GABRG3: variants seen among roughly 807,000 people sequenced by gnomAD.
GABRG3 encodes gamma-aminobutyric acid type A receptor subunit gamma3.
A neutral mutation model predicts 48.8 loss-of-function variants in GABRG3; 25 were observed. That is an observed-to-expected ratio of 0.51 (90% CI 0.37 to 0.72). GABRG3 has a LOEUF of 0.72. GABRG3 is among the 30% of genes least tolerant of loss of function. The pLI is 0.00. For missense variants in GABRG3, 394 were observed against 577.9 expected, an observed-to-expected ratio of 0.68 and a Z score of 3.26; for synonymous variants, 227 against 217.6, an observed-to-expected ratio of 1.04 and a Z score of -0.38.
At chr15:27,449,871 ACT>A (rs1284492934) in intron 5 of GABRG3, among the ~76,000 whole-genome samples, 18 of 152,316 alleles carry the variant, frequency 1.2e-4, no homozygotes, top group African/African-American at 4.3e-4. Context: ...TGCTTGCTGC[ACT>A]CTCTCAGTAG....
At chr15:27,258,910 A>G (rs1385427360) in intron 3 of GABRG3, among the ~76,000 whole-genome samples, 1 of 151,578 alleles carries the variant, frequency 6.6e-6, no homozygotes. Flanking sequence ...CTCCTCCAAC[A>G]CGCCTTCCCA....
At chr15:27,067,788 A>G (rs1229715653) in intron 3 of GABRG3, among the ~76,000 whole-genome samples, 10 of 152,162 alleles carry the variant, frequency 6.6e-5, no homozygotes, top group Non-Finnish European at 1.5e-4. Flanking sequence ...ACACCCAGCT[A>G]TCCTGTACTA....
At chr15:27,029,940 C>T (rs936662871) in intron 3 of GABRG3, among the ~76,000 whole-genome samples, 2 of 152,066 alleles carry the variant, frequency 1.3e-5, no homozygotes, top group Admixed American at 6.6e-5. Flanking sequence ...CACATAGACC[C>T]GCTATATCTG....
At position 26,996,796 on chromosome 15, in the gene GABRG3, C is replaced by G. The variant is rs558150459; in HGVS notation, c.202+19646C>G. Among the ~76,000 whole-genome samples, 49 of 152,040 alleles carry G rather than the reference C, an allele frequency of 3.2e-4. 1 individual carries two copies. The South Asian group carries it at 1.0e-2, about 31-fold the overall frequency. ...TCCCGAGTAGCTGGGACTACAGGCC[C>G]CTGCCACCACGCCCAGCTAATGTTT... On this transcript the variant is annotated intron_variant, in intron 2 of 9. Transcript: ENST00000615808.
chr15:27,524,143 C>T (rs1314231097), intron 7 of GABRG3, among the ~76,000 whole-genome samples: 4 of 152,020 alleles, frequency 2.6e-5, no homozygotes, highest in South Asian at 2.1e-4. Context: ...AAAGAAATGT[C>T]ACCTTGCCTA....
chr15:27,097,235 G>A (rs917351111), intron 3 of GABRG3, among the ~76,000 whole-genome samples: 1 of 151,972 alleles, frequency 6.6e-6, no homozygotes, highest in Admixed American at 6.6e-5. Flanking sequence ...CCCGCTGCTG[G>A]GCATGTAAGA....
At chr15:27,358,250 A>G (rs1326085112) in intron 5 of GABRG3, among the ~76,000 whole-genome samples, 1 of 152,198 alleles carries the variant, frequency 6.6e-6, no homozygotes, top group Non-Finnish European at 1.5e-5. Flanking sequence ...GAAAATAACC[A>G]TAGTTTGTTG....
chr15:27,102,675 A>G (rs1323893857), intron 3 of GABRG3, among the ~76,000 whole-genome samples: 3 of 152,218 alleles, frequency 2.0e-5, no homozygotes, highest in Non-Finnish European at 4.4e-5. Context: ...CTTCAGGAAT[A>G]CGATGCTATG....
intron 3 of GABRG3, among the ~76,000 whole-genome samples, chr15:27,272,401 C>T (rs1406597739): frequency 6.6e-6 from 1 of 152,124 alleles, no homozygotes; most frequent in South Asian, 2.1e-4. Context: ...ACAGTTTGGG[C>T]TCTGTGAGAT....
intron 3 of GABRG3, among the ~76,000 whole-genome samples, chr15:27,198,482 A>T (rs1053149908): frequency 6.6e-6 from 1 of 152,230 alleles, no homozygotes; most frequent in Non-Finnish European, 1.5e-5. Context: ...TGATCATTAA[A>T]ATGTCAGGAA....
chr15:27,526,277 T>C (rs1571281), intron 7 of GABRG3, among the ~76,000 whole-genome samples: 95,376 of 152,104 alleles, frequency 0.63, 31,073 homozygotes, highest in African/African-American at 0.81. Flanking sequence ...CTGCCTTGAG[T>C]AGATGCAGGG....
intron 3 of GABRG3, among the ~76,000 whole-genome samples, chr15:27,159,717 C>A (rs2140402836): frequency 6.6e-6 from 1 of 152,224 alleles, no homozygotes; most frequent in East Asian, 1.9e-4. Flanking sequence ...CAATCATGAA[C>A]CAAGATTTGG....
At chr15:27,408,872 AT>A (rs1395627404) in intron 5 of GABRG3, among the ~76,000 whole-genome samples, 1 of 152,126 alleles carries the variant, frequency 6.6e-6, no homozygotes. Context: ...TGGTGCAGTG[AT>A]TTTTTGCCCC....
rs1391041175 is a variant in GABRG3 at position 27,535,596 on chromosome 15, T to A, written c.*2715T>A. On this transcript the variant is annotated 3_prime_UTR_variant, in exon 10 of 10. Coordinates refer to ENST00000615808, the MANE Select transcript of GABRG3 (RefSeq NM_033223.5). ...GCATCATAGTGTGGATTCCTGCATATACAGCAGGCTCCCCACTAGGGGGTC... is the reference window on the plus strand; with the variant it reads ...GCATCATAGTGTGGATTCCTGCATAAACAGCAGGCTCCCCACTAGGGGGTC... The A allele has an allele frequency of 6.6e-6, 1 of 152,196 alleles. No individual in the cohort carries two copies. The highest frequency in any genetic ancestry group is 1.5e-5 in the Non-Finnish European group (1 of 68,046). 9.4% of individuals were successfully genotyped at this position (152,196 alleles called of 1,614,324 possible).
chr15:27,047,326 T>C (rs998807756), intron 3 of GABRG3, among the ~76,000 whole-genome samples: 6 of 152,222 alleles, frequency 3.9e-5, no homozygotes, highest in African/African-American at 1.2e-4. Flanking sequence ...CATAATTATC[T>C]GTAGAATCAC....
chr15:27,405,335 A>G (rs538905817), intron 5 of GABRG3, among the ~76,000 whole-genome samples: 2 of 152,218 alleles, frequency 1.3e-5, no homozygotes, highest in African/African-American at 4.8e-5. Flanking sequence ...GCTCAGCCTC[A>G]TTTGTTATTA....
chr15:27,333,085 A>T (rs984890401), intron 5 of GABRG3, among the ~76,000 whole-genome samples: 2 of 152,204 alleles, frequency 1.3e-5, no homozygotes, highest in Non-Finnish European at 2.9e-5. Flanking sequence ...AGTGATTTTG[A>T]TATGGACTCT....
chr15:27,163,160 A>G (rs1887253484), intron 3 of GABRG3, among the ~76,000 whole-genome samples: 2 of 151,968 alleles, frequency 1.3e-5, no homozygotes, highest in African/African-American at 2.4e-5. Flanking sequence ...ACCTCTCACC[A>G]TGTCTCATCT....
chr15:27,261,254 A>G (rs1890758034), intron 3 of GABRG3, among the ~76,000 whole-genome samples: 1 of 152,172 alleles, frequency 6.6e-6, no homozygotes, highest in Non-Finnish European at 1.5e-5. Flanking sequence ...AAGGTAACCA[A>G]TATAACTAAT....
Sources: allele counts gnomAD v4.1 joint callset (sites outside exome capture counted in the v4.1 genomes callset), GRCh38; gene constraint gnomAD v4.1.1; transcripts MANE v1.5; gene names NCBI Gene and HGNC (gene_info 2026-07-23, HGNC 2026-07-21).